MAGOHB: variants seen among roughly 807,000 people sequenced by gnomAD.
MAGOHB encodes protein mago nashi homolog 2.
A neutral mutation model predicts 20.9 loss-of-function variants in MAGOHB; 15 were observed. The ratio of observed to expected loss-of-function variants is 0.72; its 90% CI spans 0.48 to 1.11. The LOEUF is 1.11. MAGOHB is among the 50% of genes least tolerant of loss of function. The probability of loss-of-function intolerance (pLI) is 0.00; values close to 1 mark genes in which losing one functional copy is unlikely to be tolerated. For synonymous variants in MAGOHB, 50 were observed against 57.9 expected (o/e 0.86, Z 0.62); for missense variants, 162 against 177.6 (o/e 0.91, Z 0.50).
chr12:10,600,601 G>A (rs1379629581), downstream of MAGOHB, among the ~76,000 whole-genome samples: 5 of 151,942 alleles, frequency 3.3e-5, no homozygotes, highest in East Asian at 1.9e-4. Context: ...GTTTTCCCAC[G>A]AAATCTCACT....
intron 3 of MAGOHB, chr12:10,609,487 T>C: frequency 2.7e-6 from 1 of 373,316 alleles, no homozygotes; most frequent in Non-Finnish European, 5.2e-6. Context: ...TTTTAGAAGT[T>C]ATGATTTGGC....
rs1328137499 is a variant in MAGOHB, at chr12:10,605,807, T to C, written c.*468A>G. On this transcript the variant is annotated 3_prime_UTR_variant, in exon 5 of 5. Coordinates refer to ENST00000320756, the MANE Select transcript of MAGOHB (RefSeq NM_018048.5). The stretch of plus-strand genomic sequence containing the variant: ...AACTGTAAAAAAAAACTAGACCTTG[T>C]ATAAGCCCCCCAAAATTAAATCCAA... 6.6e-6 allele frequency: 1 copy of C among 152,148 alleles called. No homozygotes were observed. The highest frequency in any genetic ancestry group is 1.5e-5 in the Non-Finnish European group (1 of 68,042). The allele number at this position is 152,148 out of a possible 1,614,324, so 9.4% of individuals were successfully genotyped here. A position where few individuals can be genotyped will look rare whatever the true frequency, so the allele number is the denominator to read the frequency against.
chr12:10,609,845 T>G lies in MAGOHB; in HGVS notation c.250A>C (p.Arg84=). 6.2e-7 allele frequency: 1 copy of G among 1,608,200 alleles called. No homozygotes were observed. Among genetic ancestry groups the G allele is most frequent in the Non-Finnish European group, 8.5e-7 (1 of 1,175,310 alleles). The change falls in exon 3 of 5, where the codon AGG becomes CGG. Residue 84 remains arginine, a synonymous_variant. Transcript: ENST00000320756. ...EDDALWPPPD[R]VGRQELEIVI... is the part of the protein sequence containing the mutation. ...TAAATACAAACCTGTCGGCCAACCC[T>G]ATCAGGGGGAGGCCACAAAGCATCA...
intron 1 of MAGOHB, among the ~76,000 whole-genome samples, chr12:10,612,236 A>G (rs1473698793): frequency 1.3e-5 from 2 of 149,076 alleles, no homozygotes; most frequent in Non-Finnish European, 3.0e-5. Context: ...ATAACATAAC[A>G]TAACATAACA....
At chr12:10,608,217 T>A in intron 3 of MAGOHB, 1 of 236,416 alleles carries the variant, frequency 4.2e-6, no homozygotes, top group Non-Finnish European at 8.1e-6. Flanking sequence ...GAAATATTTC[T>A]TACAATGTCA....
chr12:10,611,771 A>G (rs7971804), intron 1 of MAGOHB, among the ~76,000 whole-genome samples: 24,929 of 92,272 alleles, frequency 0.27, 4,907 homozygotes, highest in East Asian at 0.74. Flanking sequence ...AAAAAAAAAA[A>G]AAAAGAAAAG....
Position 10,613,302 on chromosome 12 carries a change from CT to C in MAGOHB, c.94+136del, listed in dbSNP as rs2120548914. The C allele has an allele frequency of 9.4e-6, 7 of 746,906 alleles. No individual in the cohort carries two copies. The South Asian group carries it at 9.4e-5, about 10-fold the overall frequency. The allele number at this position is 746,906 out of a possible 1,614,324, so 46.3% of individuals were successfully genotyped here. A position where few individuals can be genotyped will look rare whatever the true frequency, so the allele number is the denominator to read the frequency against. ...AATTCTCTTTCATTTATAAAACCAA[CT>C]TATGCCTCCTCTATTCTTAAGCTCC... On this transcript the variant is annotated intron_variant, in intron 1 of 4. Coordinates refer to ENST00000320756, the MANE Select transcript of MAGOHB (RefSeq NM_018048.5).
Position 10,609,730 on chromosome 12 carries a change from C to G in MAGOHB, c.264+101G>C, listed in dbSNP as rs560824668. 1.4e-5 allele frequency: 10 copies of G among 733,586 alleles called. No individual in the cohort carries two copies. The East Asian group carries it at 2.5e-4, about 18-fold the overall frequency. 45.4% of individuals were successfully genotyped at this position (733,586 alleles called of 1,614,324 possible). ...TACCAGGTGCCTATTAAATAGAAAG[C>G]CAAAGAATCAACTTAGACTCATTCC... On this transcript the variant is annotated intron_variant, in intron 3 of 4. Coordinates refer to ENST00000320756, the MANE Select transcript of MAGOHB (RefSeq NM_018048.5).
chr12:10,608,514 T>C (rs1865668311), intron 3 of MAGOHB: 1 of 150,502 alleles, frequency 6.6e-6, no homozygotes. Flanking sequence ...TTATAACCAC[T>C]AATAATGATG....
chr12:10,608,159 A>AT, intron 3 of MAGOHB: 1 of 361,352 alleles, frequency 2.8e-6, no homozygotes. Flanking sequence ...CCAACAAAGA[A>AT]TTGCTTTCCA....
intron 2 of MAGOHB, 23 bp downstream of exon 2, chr12:10,610,599 A>ATAAATT: frequency 7.3e-7 from 1 of 1,373,900 alleles, no homozygotes; most frequent in Non-Finnish European, 9.5e-7. Context: ...AAAAAAAAAA[A>ATAAATT]AAGACATTCA....
intron 1 of MAGOHB, 84 bp downstream of exon 1, chr12:10,613,355 T>G: frequency 1.6e-6 from 2 of 1,219,750 alleles, no homozygotes; most frequent in African/African-American, 1.5e-5. Flanking sequence ...AGCAGTGGCC[T>G]CCGCCGCCTG....
downstream of MAGOHB, among the ~76,000 whole-genome samples, chr12:10,602,473 G>A (rs1865562812): frequency 6.6e-6 from 1 of 152,140 alleles, no homozygotes; most frequent in Admixed American, 6.5e-5. Context: ...AACACAATCA[G>A]CACCAGAAGA....
At chr12:10,601,524 G>A (rs1865554733), downstream of MAGOHB, among the ~76,000 whole-genome samples, 1 of 152,132 alleles carries the variant, frequency 6.6e-6, no homozygotes, top group African/African-American at 2.4e-5. Flanking sequence ...GCTCCCATGT[G>A]TGACTTCAGG....
downstream of MAGOHB, among the ~76,000 whole-genome samples, chr12:10,600,821 A>C (rs1865546914): frequency 6.6e-6 from 1 of 152,180 alleles, no homozygotes; most frequent in East Asian, 1.9e-4. Flanking sequence ...TGTTCAAATC[A>C]GGTGATAGTG....
chr12:10,609,967 G>T, intron 2 of MAGOHB, 26 bp from the exon 3 acceptor site: 1 of 1,338,688 alleles, frequency 7.5e-7, no homozygotes. Flanking sequence ...AATAAAATGA[G>T]ATAATGCCCA....
intron 1 of MAGOHB, among the ~76,000 whole-genome samples, chr12:10,611,116 A>G (rs558359158): frequency 1.3e-5 from 2 of 152,348 alleles, no homozygotes; most frequent in Non-Finnish European, 1.5e-5. Flanking sequence ...AACAAAGTTA[A>G]GTAACTTAAC....
chr12:10,603,044 T>A (rs1865567809), downstream of MAGOHB, among the ~76,000 whole-genome samples: 1 of 152,142 alleles, frequency 6.6e-6, no homozygotes, highest in Non-Finnish European at 1.5e-5. Context: ...ACACTGAACT[T>A]CCTGGCTCTT....
chr12:10,601,275 C>T (rs1865552327), downstream of MAGOHB, among the ~76,000 whole-genome samples: 1 of 72,340 alleles, frequency 1.4e-5, no homozygotes. Flanking sequence ...TAAAACCTCC[C>T]AACATTGACA....
Sources: gnomAD v4.1 joint callset for allele counts (sites outside exome capture counted in the v4.1 genomes callset) on GRCh38, gnomAD v4.1.1 for gene constraint, MANE v1.5 for transcripts, NCBI Gene and HGNC (gene_info 2026-07-23, HGNC 2026-07-21) for gene names.